The following PKHD1 variants were observed in gnomAD, a reference collection of about 807,000 sequenced individuals.
The protein encoded by PKHD1 is PKHD1 ciliary IPT domain containing fibrocystin/polyductin.
A neutral mutation model predicts 412.0 loss-of-function variants in PKHD1; 291 were observed. That is an observed-to-expected ratio of 0.71 (90% confidence interval 0.64 to 0.78). The LOEUF (loss-of-function observed/expected upper bound fraction) is 0.78. PKHD1 is among the 30% of genes least tolerant of loss of function. PKHD1 has a pLI of 0.00. For missense variants in PKHD1, 4,825 were observed against 4,950.7 expected (o/e 0.97, Z 0.76); for synonymous variants, 1,777 against 1,821.5 (o/e 0.98, Z 0.62).
intron 63 of PKHD1, among the ~76,000 whole-genome samples, chr6:51,639,961 T>C (rs1769129438): frequency 6.6e-6 from 1 of 152,220 alleles, no homozygotes. Flanking sequence ...CTAAAACTTC[T>C]TTTTTGAGAA....
chr6:51,811,761 AT>A (rs1158105022), intron 52 of PKHD1, among the ~76,000 whole-genome samples: 1 of 152,182 alleles, frequency 6.6e-6, no homozygotes, highest in Non-Finnish European at 1.5e-5. Flanking sequence ...CAATTAATTA[AT>A]ATTTTTAAAG....
At chr6:51,848,070 G>A (rs1457856558) in intron 49 of PKHD1, 100 bp from the exon 50 acceptor site, 36 of 788,310 alleles carry the variant, frequency 4.6e-5, no homozygotes, top group Middle Eastern at 3.0e-4. Flanking sequence ...TACAGAGAAC[G>A]CAGATGGAGT....
intron 51 of PKHD1, among the ~76,000 whole-genome samples, chr6:51,831,448 A>G (rs1768228401): frequency 6.6e-6 from 1 of 151,606 alleles, no homozygotes; most frequent in South Asian, 2.1e-4. Context: ...GCATTTTATA[A>G]TATTATTTAA....
At chr6:51,781,627 G>C (rs1335817564) in intron 53 of PKHD1, among the ~76,000 whole-genome samples, 1 of 151,946 alleles carries the variant, frequency 6.6e-6, no homozygotes, top group Non-Finnish European at 1.5e-5. Flanking sequence ...AAATGATTTA[G>C]TCCATGCTAA....
intron 50 of PKHD1, among the ~76,000 whole-genome samples, chr6:51,845,108 A>G (rs891601606): frequency 6.6e-6 from 1 of 152,224 alleles, no homozygotes; most frequent in Non-Finnish European, 1.5e-5. Flanking sequence ...CTGGAACTCT[A>G]CTTCTTGGGC....
At chr6:51,711,015 C>T (rs1467492714) in intron 60 of PKHD1, among the ~76,000 whole-genome samples, 1 of 152,198 alleles carries the variant, frequency 6.6e-6, no homozygotes, top group Non-Finnish European at 1.5e-5. Flanking sequence ...ATGAGGCTCC[C>T]AGTTCCATGC....
intron 60 of PKHD1, among the ~76,000 whole-genome samples, chr6:51,682,537 G>A (rs557717176): frequency 6.6e-6 from 1 of 152,132 alleles, no homozygotes; most frequent in South Asian, 2.1e-4. Context: ...TTATATTTGG[G>A]CTTTGCTTTA....
At position 51,619,436 on chromosome 6, in the gene PKHD1, C is replaced by A; in HGVS notation, c.11870G>T (p.Arg3957Leu). The A allele has an allele frequency of 3.7e-6, 6 of 1,613,662 alleles. No homozygotes were observed. The highest frequency in any genetic ancestry group is 5.1e-6 in the Non-Finnish European group (6 of 1,179,626). ...AGCCTCTTCCTCTCGGACAATGTGG[C>A]GGCTAACTTTCCTTCTGGACACTCC... ...MNGVSRRKVS[R>L]HIVREEEAAV... The change falls in exon 67 of 67, where the codon CGC (arginine) becomes CTC (leucine). Residue 3957 changes from arginine (R) to leucine (L), a missense_variant. Coordinates refer to ENST00000371117, the MANE Select transcript of PKHD1 (RefSeq NM_138694.4).
rs368563252 is a variant in PKHD1, at chr6:51,707,821, C to A, written c.10156+36564G>T. 7.2e-5 allele frequency among the ~76,000 whole-genome samples: 11 copies of A among 152,210 alleles called. 1 individual carries two copies. Among genetic ancestry groups the A allele is most frequent in the African/African-American group, 2.4e-4 (10 of 41,542 alleles). ...ATTTGATACTGTATCATCCCACCCA[C>A]CTTGGAATGCTTTTATTCTGTGAAT... On this transcript the variant is annotated intron_variant, in intron 60 of 66. Coordinates refer to ENST00000371117, the MANE Select transcript of PKHD1 (RefSeq NM_138694.4).
chr6:51,863,396 T>C (rs1046975767), intron 48 of PKHD1, among the ~76,000 whole-genome samples: 1 of 152,234 alleles, frequency 6.6e-6, no homozygotes, highest in African/African-American at 2.4e-5. Context: ...GTCTGATCTG[T>C]TGATATCTCA....
At chr6:51,817,262 T>G (rs1765614953) in intron 52 of PKHD1, among the ~76,000 whole-genome samples, 1 of 152,186 alleles carries the variant, frequency 6.6e-6, no homozygotes, top group Non-Finnish European at 1.5e-5. Flanking sequence ...TCTTGCTAAA[T>G]GTAAACCCTA....
At chr6:51,889,668 C>T (rs868065024) in intron 43 of PKHD1, among the ~76,000 whole-genome samples, 2 of 152,150 alleles carry the variant, frequency 1.3e-5, no homozygotes, top group South Asian at 4.2e-4. Context: ...GTATTCTTTA[C>T]TCTTGGCCAT....
chr6:51,679,322 T>G (rs541506155), intron 60 of PKHD1, among the ~76,000 whole-genome samples: 5 of 152,044 alleles, frequency 3.3e-5, no homozygotes, highest in Admixed American at 2.6e-4. Context: ...GTGCCTATAC[T>G]ACTCACTGGA....
intron 48 of PKHD1, among the ~76,000 whole-genome samples, chr6:51,860,598 A>C (rs1230154016): frequency 6.6e-6 from 1 of 152,176 alleles, no homozygotes; most frequent in Non-Finnish European, 1.5e-5. Context: ...CTTCATTACT[A>C]GGGGAAGAAG....
At chr6:52,027,932 A>G in intron 30 of PKHD1, 36 bp from the exon 31 acceptor site, 2 of 1,501,032 alleles carry the variant, frequency 1.3e-6, no homozygotes, top group South Asian at 1.1e-5. Flanking sequence ...GAAATAACTG[A>G]CAGAGAGAGA....
chr6:51,795,254 G>A (rs1794418642), intron 52 of PKHD1, among the ~76,000 whole-genome samples: 1 of 152,102 alleles, frequency 6.6e-6, no homozygotes, highest in Admixed American at 6.5e-5. Flanking sequence ...TCCCTTGTTA[G>A]CTGTATTCAC....
chr6:51,921,250 G>C (rs1784651992), intron 37 of PKHD1, among the ~76,000 whole-genome samples: 1 of 152,076 alleles, frequency 6.6e-6, no homozygotes, highest in Admixed American at 6.6e-5. Flanking sequence ...GCTTTCTCTT[G>C]TGGGCAATTA....
chr6:51,729,130 T>C (rs766909238), intron 60 of PKHD1, among the ~76,000 whole-genome samples: 2 of 152,242 alleles, frequency 1.3e-5, no homozygotes, highest in South Asian at 2.1e-4. Context: ...TTCATAGCCA[T>C]ATTAAAAAAT....
At chr6:51,903,348 G>C (rs1484673358) in intron 43 of PKHD1, among the ~76,000 whole-genome samples, 1 of 152,192 alleles carries the variant, frequency 6.6e-6, no homozygotes, top group Non-Finnish European at 1.5e-5. Flanking sequence ...TGCAGCCCAA[G>C]ATGGCTTTGA....
Sources: gnomAD v4.1 joint callset for allele counts (sites outside exome capture counted in the v4.1 genomes callset) on GRCh38, gnomAD v4.1.1 for gene constraint, MANE v1.5 for transcripts, NCBI Gene and HGNC (gene_info 2026-07-23, HGNC 2026-07-21) for gene names.